The following PELI1 variants were observed in gnomAD, a reference collection of about 807,000 sequenced individuals.
The protein encoded by PELI1 is pellino E3 ubiquitin protein ligase 1, also known as E3 ubiquitin-protein ligase pellino homolog 1.
Under a neutral mutation model 41.3 loss-of-function variants are expected in PELI1, and 15 were observed. The observed-to-expected ratio is 0.36, with a 90% CI of 0.24 to 0.56. The LOEUF (loss-of-function observed/expected upper bound fraction) is 0.56. Among genes scored for constraint, PELI1 ranks in the 20% least tolerant of loss-of-function variants. The pLI is 0.82. For synonymous variants in PELI1, 178 were observed against 180.1 expected (o/e 0.99, Z 0.09); for missense variants, 403 against 525.5 (o/e 0.77, Z 2.28).
At chr2:64,100,069 C>T (rs1242498844) in intron 4 of PELI1, among the ~76,000 whole-genome samples, 1 of 152,056 alleles carries the variant, frequency 6.6e-6, no homozygotes, top group African/African-American at 2.4e-5. Context: ...AGTGTTTTTA[C>T]TAAGTGCCTG....
intron 1 of PELI1, among the ~76,000 whole-genome samples, chr2:64,135,059 T>C (rs907404356): frequency 6.6e-6 from 1 of 152,110 alleles, no homozygotes; most frequent in Non-Finnish European, 1.5e-5. Context: ...TCAACAGAAG[T>C]ACAGTTTTCC....
At chr2:64,101,914 G>A (rs566564337) in intron 3 of PELI1, among the ~76,000 whole-genome samples, 48 of 143,342 alleles carry the variant, frequency 3.3e-4, no homozygotes, top group African/African-American at 1.2e-3. Context: ...TGTAACCTCC[G>A]CCTCCCAGGT....
At chr2:64,117,261 C>T (rs1681027308) in intron 1 of PELI1, among the ~76,000 whole-genome samples, 1 of 152,030 alleles carries the variant, frequency 6.6e-6, no homozygotes, top group African/African-American at 2.4e-5. Flanking sequence ...ATTATTTTCT[C>T]AGAGATTCAT....
chr2:64,127,481 G>A (rs1241469225), intron 1 of PELI1, among the ~76,000 whole-genome samples: 3 of 152,194 alleles, frequency 2.0e-5, no homozygotes, highest in Non-Finnish European at 2.9e-5. Context: ...ACAATGTTGA[G>A]TGAGGTTTTC....
intron 1 of PELI1, among the ~76,000 whole-genome samples, chr2:64,125,253 T>C (rs1428032585): frequency 1.3e-5 from 2 of 152,256 alleles, no homozygotes; most frequent in East Asian, 3.9e-4. Context: ...ACCCTCTTAA[T>C]TTCTTGGTCC....
intron 2 of PELI1, among the ~76,000 whole-genome samples, chr2:64,105,226 T>A (rs868160528): frequency 6.6e-6 from 1 of 152,304 alleles, no homozygotes; most frequent in East Asian, 1.9e-4. Context: ...TATGTATTGT[T>A]TAAAACACAA....
In PELI1 at chr2:64,095,089, T is replaced by C. The variant is rs1311827446; in HGVS notation, c.870A>G (p.Ala290=). ...CGTCTTTCCTCTTCATACTAGGAAATGCTAGTGTGTTGAACCCTACAGGGC... is the reference window on the plus strand; with the variant it reads ...CGTCTTTCCTCTTCATACTAGGAAACGCTAGTGTGTTGAACCCTACAGGGC... ...PQCPVGFNTL[A]FPSMKRKDVV... The change falls in exon 7 of 7, where the codon GCA becomes GCG. Residue 290 remains alanine, a synonymous_variant. Coordinates refer to ENST00000358912, the MANE Select transcript of PELI1 (RefSeq NM_020651.4). The C allele has an allele frequency of 6.2e-7, 1 of 1,614,214 alleles. No individual in the cohort carries two copies. The highest frequency in any genetic ancestry group is 8.5e-7 in the Non-Finnish European group (1 of 1,180,032).
chr2:64,114,261 G>C (rs1680917551), intron 1 of PELI1, among the ~76,000 whole-genome samples: 1 of 152,182 alleles, frequency 6.6e-6, no homozygotes, highest in African/African-American at 2.4e-5. Flanking sequence ...AACTGCTTTA[G>C]TATGTTTGCG....
intron 1 of PELI1, among the ~76,000 whole-genome samples, chr2:64,113,597 T>A (rs1421111373): frequency 6.6e-6 from 1 of 152,172 alleles, no homozygotes; most frequent in Non-Finnish European, 1.5e-5. Flanking sequence ...GTTGCTCTCA[T>A]TAGCAGGAAC....
At chr2:64,114,058 TTAGTGGGC>T (rs1445327935) in intron 1 of PELI1, among the ~76,000 whole-genome samples, 1 of 152,130 alleles carries the variant, frequency 6.6e-6, no homozygotes, top group Non-Finnish European at 1.5e-5. Flanking sequence ...CACTTCTATT[TTAGTGGGC>T]AAGTGGGTAG....
At chr2:64,121,812 G>T (rs757030545) in intron 1 of PELI1, among the ~76,000 whole-genome samples, 6 of 151,964 alleles carry the variant, frequency 3.9e-5, no homozygotes, top group Non-Finnish European at 5.9e-5. Context: ...GGCTGAGGCA[G>T]GAGAATAGCT....
At chr2:64,116,555 G>GT (rs1456375302) in intron 1 of PELI1, among the ~76,000 whole-genome samples, 2 of 152,202 alleles carry the variant, frequency 1.3e-5, no homozygotes, top group African/African-American at 4.8e-5. Context: ...TTCAGTCTCT[G>GT]TGCCAAGCAC....
chr2:64,110,744 T>A (rs1328106281), intron 1 of PELI1, among the ~76,000 whole-genome samples: 3 of 152,016 alleles, frequency 2.0e-5, no homozygotes, highest in Non-Finnish European at 4.4e-5. Flanking sequence ...CTGGCCAACA[T>A]GGTGAAACCC....
At chr2:64,132,742 T>C (rs1452214361) in intron 1 of PELI1, among the ~76,000 whole-genome samples, 1 of 152,190 alleles carries the variant, frequency 6.6e-6, no homozygotes, top group Non-Finnish European at 1.5e-5. Context: ...AGTGGAGTTA[T>C]AGTTTAAAGA....
chr2:64,113,656 T>C (rs926315773), intron 1 of PELI1, among the ~76,000 whole-genome samples: 5 of 152,200 alleles, frequency 3.3e-5, no homozygotes, highest in African/African-American at 9.6e-5. Flanking sequence ...TATTCTGGAA[T>C]AGTGTTATTT....
chr2:64,113,542 T>C (rs1680893329), intron 1 of PELI1, among the ~76,000 whole-genome samples: 1 of 152,192 alleles, frequency 6.6e-6, no homozygotes, highest in Non-Finnish European at 1.5e-5. Context: ...AACTGTCTTC[T>C]ATTTTATCTA....
At chr2:64,138,095 T>G (rs1371153801) in intron 1 of PELI1, among the ~76,000 whole-genome samples, 2 of 151,954 alleles carry the variant, frequency 1.3e-5, no homozygotes, top group African/African-American at 4.8e-5. Flanking sequence ...GTTACGCTAG[T>G]TTTTTTTGTT....
At chr2:64,135,000 C>A (rs1462139591) in intron 1 of PELI1, among the ~76,000 whole-genome samples, 1 of 152,098 alleles carries the variant, frequency 6.6e-6, no homozygotes, top group African/African-American at 2.4e-5. Flanking sequence ...ACCTTCTTTA[C>A]CACATTACTT....
intron 1 of PELI1, among the ~76,000 whole-genome samples, chr2:64,141,312 C>CG (rs1553360221): frequency 5.1e-4 from 74 of 145,916 alleles, no homozygotes; most frequent in African/African-American, 1.6e-3. Flanking sequence ...CCGCCCCCAC[C>CG]CCAAAGGAGC....
Sources: gnomAD v4.1 joint callset for allele counts (sites outside exome capture counted in the v4.1 genomes callset) on GRCh38, gnomAD v4.1.1 for gene constraint, MANE v1.5 for transcripts, NCBI Gene and HGNC (gene_info 2026-07-23, HGNC 2026-07-21) for gene names.